Variants in AOPEP observed in about 807,000 individuals in gnomAD.
The protein encoded by AOPEP is aminopeptidase O (putative), also known as aminopeptidase O.
Under a neutral mutation model 98.1 loss-of-function variants are expected in AOPEP, and 77 were observed. The observed-to-expected ratio is 0.78, with a 90% CI of 0.65 to 0.95. The LOEUF (loss-of-function observed/expected upper bound fraction) is 0.95, where lower values mean the gene tolerates loss of function less well. Ranked by LOEUF, AOPEP falls within the 40% of genes least tolerant of loss-of-function variation. The pLI, the probability that AOPEP is intolerant of heterozygous loss-of-function variation, is 0.00. For synonymous variants in AOPEP, 346 were observed against 365.3 expected (o/e 0.95, Z 0.60); for missense variants, 1,024 against 1,024.7 (o/e 1.00, Z 0.01).
chr9:94,785,260 T>C (rs1200263915), intron 3 of AOPEP, among the ~76,000 whole-genome samples: 1 of 152,230 alleles, frequency 6.6e-6, no homozygotes, highest in African/African-American at 2.4e-5. Flanking sequence ...AAACTGCCTC[T>C]TGTGATTTGA....
At chr9:95,110,345 A>AGAC in the AOPEP span, 17 of 1,019,166 alleles carry the variant, frequency 1.7e-5, no homozygotes, top group African/African-American at 2.6e-4. Flanking sequence ...GAATCAAATA[A>AGAC]GACAGAATAT....
At chr9:95,140,521 C>A in the AOPEP span, among the ~76,000 whole-genome samples, 2 of 152,126 alleles carry the variant, frequency 1.3e-5, no homozygotes, top group Non-Finnish European at 2.9e-5. Flanking sequence ...GAATTAAATT[C>A]TTCACAAGAA....
chr9:95,026,693 A>G (rs1017900593), intron 13 of AOPEP, among the ~76,000 whole-genome samples: 11 of 152,198 alleles, frequency 7.2e-5, no homozygotes, highest in African/African-American at 2.7e-4. Context: ...CCTCTCTCCG[A>G]TAGATGACCT....
intron 5 of AOPEP, among the ~76,000 whole-genome samples, chr9:94,922,713 C>T (rs1448896561): frequency 6.6e-6 from 1 of 152,056 alleles, no homozygotes; most frequent in African/African-American, 2.4e-5. Flanking sequence ...CCTGAGTGCC[C>T]CAACTCCACT....
intron 13 of AOPEP, among the ~76,000 whole-genome samples, chr9:95,036,943 C>T (rs1442443088): frequency 6.6e-6 from 1 of 152,172 alleles, no homozygotes; most frequent in African/African-American, 2.4e-5. Flanking sequence ...GATGGATGCT[C>T]CCTGTGATGT....
At chr9:95,123,725 T>A in the AOPEP span, 1 of 691,368 alleles carries the variant, frequency 1.4e-6, no homozygotes, top group East Asian at 2.8e-5. Flanking sequence ...CAAGCTGTAT[T>A]TGAAGCTACA....
chr9:95,140,634 G>T, the AOPEP span, among the ~76,000 whole-genome samples: 6 of 152,156 alleles, frequency 3.9e-5, no homozygotes, highest in East Asian at 3.9e-4. Context: ...AGGTGCACTG[G>T]CAACAGTCCA....
intron 4 of AOPEP, 86 bp downstream of exon 4, chr9:94,793,004 T>A: frequency 7.2e-7 from 1 of 1,388,730 alleles, no homozygotes; most frequent in South Asian, 1.4e-5. Flanking sequence ...GCACTGGGAA[T>A]GTGAGTCATT....
intron 14 of AOPEP, among the ~76,000 whole-genome samples, chr9:95,068,520 TG>T (rs1332364092): frequency 6.6e-6 from 1 of 152,258 alleles, no homozygotes; most frequent in Non-Finnish European, 1.5e-5. Context: ...GGTTTGTCTT[TG>T]TATTACTGAG....
rs567194677 is a variant in AOPEP, at chr9:94,863,302, A to G, written c.1365-60684A>G. Among the ~76,000 whole-genome samples, 59 of 117,364 alleles carry G rather than the reference A, an allele frequency of 5.0e-4. 1 individual carries two copies. In the South Asian group the frequency reaches 0.015, roughly 29 times the overall value. 77.0% of individuals were successfully genotyped at this position (117,364 alleles called of 152,430 possible). On this transcript the variant is annotated intron_variant, in intron 5 of 16. Transcript: ENST00000375315. ...TCTCTTTTTTTTTTTTTTTTTTGAG[A>G]CGGAGTCTCGCTCTGTCACCCAGGC...
chr9:95,103,999 G>C, the AOPEP span, among the ~76,000 whole-genome samples: 5 of 152,180 alleles, frequency 3.3e-5, no homozygotes, highest in Admixed American at 3.3e-4. Context: ...GGCTGCGCTC[G>C]TGCTAGGTCC....
intron 3 of AOPEP, among the ~76,000 whole-genome samples, chr9:94,785,008 A>G (rs1015752689): frequency 7.9e-5 from 12 of 152,070 alleles, no homozygotes; most frequent in Non-Finnish European, 1.6e-4. Context: ...ATCTCAGCAC[A>G]CTGCAAACTC....
intron 6 of AOPEP, among the ~76,000 whole-genome samples, chr9:94,927,759 A>C (rs2136966198): frequency 6.6e-6 from 1 of 152,358 alleles, no homozygotes; most frequent in South Asian, 2.1e-4. Flanking sequence ...TGAACGAATT[A>C]TCAGGAAAGT....
intron 5 of AOPEP, among the ~76,000 whole-genome samples, chr9:94,897,987 G>C (rs754219557): frequency 1.3e-5 from 2 of 151,874 alleles, no homozygotes; most frequent in South Asian, 4.2e-4. Context: ...TTACAAGCGC[G>C]CACCACCATG....
chr9:94,853,188 A>G (rs1234326715), intron 5 of AOPEP, among the ~76,000 whole-genome samples: 1 of 152,232 alleles, frequency 6.6e-6, no homozygotes. Context: ...GGCTGGGCGC[A>G]GTGGCTAATG....
At chr9:95,029,517 C>T (rs753020117) in intron 13 of AOPEP, among the ~76,000 whole-genome samples, 8 of 152,120 alleles carry the variant, frequency 5.3e-5, no homozygotes, top group African/African-American at 9.7e-5. Flanking sequence ...TCACACCTGC[C>T]ATCCATTCAG....
intron 9 of AOPEP, among the ~76,000 whole-genome samples, chr9:94,964,943 C>T (rs2059100842): frequency 6.6e-6 from 1 of 152,074 alleles, no homozygotes. Context: ...CCGGCCCCTA[C>T]AAGGACTTGG....
rs146282026 is a variant in AOPEP, at chr9:94,829,128, C to T, written c.1364+28126C>T. ...AAGTGATCTGCCCGCCTTGGCCTCC[C>T]AAAGTGCTGGAATTACAGGCATGAG... On this transcript the variant is annotated intron_variant, in intron 5 of 16. Coordinates refer to ENST00000375315, the MANE Select transcript of AOPEP (RefSeq NM_001193329.3). Among the ~76,000 whole-genome samples the T allele has an allele frequency of 3.9e-5, 6 of 152,136 alleles. No homozygotes were observed. In the East Asian group the frequency reaches 1.2e-3, roughly 29 times the overall value.
intron 13 of AOPEP, among the ~76,000 whole-genome samples, chr9:95,041,733 GCTTTGTTTCATGTTTGTC>G (rs1246487682): frequency 1.3e-5 from 2 of 151,778 alleles, no homozygotes; most frequent in Non-Finnish European, 2.9e-5. Flanking sequence ...GGCCCCTGGC[GCTTTGTTTCATGTTTGTC>G]CTTTGTTTCA....
Sources: gnomAD v4.1 joint callset for allele counts (sites outside exome capture counted in the v4.1 genomes callset) on GRCh38, gnomAD v4.1.1 for gene constraint, MANE v1.5 for transcripts, NCBI Gene and HGNC (gene_info 2026-07-23, HGNC 2026-07-21) for gene names.